HERC6: variants seen among roughly 807,000 people sequenced by gnomAD.
HERC6 encodes HECT and RLD domain containing E3 ubiquitin protein ligase family member 6.
In HERC6, 101 loss-of-function variants were observed where a neutral mutation model predicts 114.5. That is an observed-to-expected ratio of 0.88 (90% CI 0.75 to 1.04). HERC6 has a LOEUF of 1.04. Ranked by LOEUF, HERC6 falls within the 50% of genes least tolerant of loss-of-function variation. The pLI, the probability that HERC6 is intolerant of heterozygous loss-of-function variation, is 0.00. For synonymous variants in HERC6, 408 were observed against 436.2 expected (o/e 0.94, Z 0.81); for missense variants, 1,133 against 1,230.9 (o/e 0.92, Z 1.19).
At chr4:88,441,509 CTT>C (rs1202287928) in intron 22 of HERC6, among the ~76,000 whole-genome samples, 1 of 152,116 alleles carries the variant, frequency 6.6e-6, no homozygotes, top group African/African-American at 2.4e-5. Context: ...AGCCCAGGCT[CTT>C]GAGCACTAAG....
At chr4:88,414,471 C>G (rs1736313964) in intron 12 of HERC6, among the ~76,000 whole-genome samples, 1 of 152,064 alleles carries the variant, frequency 6.6e-6, no homozygotes, top group Non-Finnish European at 1.5e-5. Flanking sequence ...AGATCTCACA[C>G]AAGAAATAAT....
chr4:88,410,577 G>A (rs1399449737), intron 11 of HERC6, among the ~76,000 whole-genome samples: 1 of 152,072 alleles, frequency 6.6e-6, no homozygotes, highest in Non-Finnish European at 1.5e-5. Context: ...CCAATCTTGT[G>A]ACCTAATTAC....
chr4:88,417,480 T>C lies in HERC6; in HGVS notation c.1614T>C (p.Leu538=). 6.2e-7 allele frequency: 1 copy of C among 1,611,684 alleles called. No individual in the cohort carries two copies. Among genetic ancestry groups the C allele is most frequent in the Non-Finnish European group, 8.5e-7 (1 of 1,178,878 alleles). ...ESSLNPLIQM[L]KAAIISQLLH... ...CTCTGAATCCGCTGATCCAGATGCT[T>C]AAAGCAGCCATCATCTCTCAGCTGC... Residue 538 remains leucine (L), a synonymous_variant, in exon 13 of 23, where the codon CTT becomes CTC. Transcript: ENST00000264346.
chr4:88,440,334 G>A, intron 22 of HERC6, 84 bp downstream of exon 22: 1 of 804,036 alleles, frequency 1.2e-6, no homozygotes, highest in Non-Finnish European at 2.0e-6. Context: ...CCATTGAAGT[G>A]GCCTCATTGT....
intron 3 of HERC6, among the ~76,000 whole-genome samples, chr4:88,387,597 G>A (rs1734653056): frequency 1.3e-5 from 2 of 152,062 alleles, no homozygotes; most frequent in African/African-American, 4.8e-5. Flanking sequence ...ACAAATCCAG[G>A]GCATATCCCG....
At chr4:88,418,969 C>T (rs969338412) in intron 13 of HERC6, among the ~76,000 whole-genome samples, 11 of 152,134 alleles carry the variant, frequency 7.2e-5, no homozygotes, top group African/African-American at 1.7e-4. Context: ...TCAAGTGATC[C>T]GCCTGCCTCG....
rs764549879 is a variant in HERC6 at position 88,396,991 on chromosome 4, T to C, written c.1024+4T>C. On this transcript the variant is annotated splice_donor_region_variant and intron_variant, in intron 7 of 22. Transcript: ENST00000264346. ...AGCTGCCTGATTTCTGCTGAAGGTG[T>C]GAATCCCACTAATTCATGATTTTGT... The C allele has an allele frequency of 5.6e-6, 9 of 1,608,126 alleles. No homozygotes were observed. In the East Asian group the frequency reaches 1.8e-4, roughly 32 times the overall value.
rs772312980 is a variant in HERC6, at chr4:88,390,711, T to C, written c.496T>C (p.Phe166Leu). Residue 166 changes from phenylalanine (F) to leucine (L), a missense_variant, in exon 4 of 23, where the codon TTC becomes CTC. Coordinates refer to ENST00000264346, the MANE Select transcript of HERC6 (RefSeq NM_017912.4). ...SHGQLGLGKEFPSQASPQRVR... is the reference protein window; with the variant it reads ...SHGQLGLGKELPSQASPQRVR... ...TGGGCAGCTGGGCTTGGGGAAGGAG[T>C]TCCCCTCCCAAGCCAGCCCGCAGAG... 3 of 1,613,502 alleles carry C rather than the reference T, an allele frequency of 1.9e-6. No homozygotes were observed. Among genetic ancestry groups the C allele is most frequent in the Non-Finnish European group, 2.5e-6 (3 of 1,179,734 alleles).
rs749375812 is a variant in HERC6, at chr4:88,396,937, C to T, written c.974C>T (p.Pro325Leu). ...AGTGACACAAGCAAGCCAACTCATC[C>T]GGAGGCCCTGACAGAGAACTTTGAC... ...GPSDTSKPTH[P>L]EALTENFDIS... Residue 325 changes from proline (P) to leucine (L), a missense_variant, in exon 7 of 23, where the codon CCG (proline) becomes CTG (leucine). By Grantham distance (98) the Pro-to-Leu change is moderately conservative. Coordinates refer to ENST00000264346, the MANE Select transcript of HERC6 (RefSeq NM_017912.4). 3.0e-5 allele frequency: 48 copies of T among 1,612,336 alleles called. 1 individual carries two copies. The highest frequency in any genetic ancestry group is 2.6e-4 in the South Asian group (24 of 90,974).
At position 88,380,794 on chromosome 4, in the gene HERC6, C is replaced by T. The variant is rs59918117; in HGVS notation, c.199+1674C>T. On this transcript the variant is annotated intron_variant, in intron 1 of 22. Coordinates refer to ENST00000264346, the MANE Select transcript of HERC6 (RefSeq NM_017912.4). The stretch of plus-strand genomic sequence containing the variant: ...ATCGTTATGGATTATTGTAGAAATA[C>T]GAGAAAGCAATCACCGTAGCTCCAA... Among the ~76,000 whole-genome samples, 941 of 151,614 alleles carry T rather than the reference C, an allele frequency of 6.2e-3. 11 individuals are homozygous for T. The highest frequency in any genetic ancestry group is 0.02 in the African/African-American group (845 of 41,372).
chr4:88,403,175 T>C (rs922795141), intron 8 of HERC6, among the ~76,000 whole-genome samples: 2 of 152,216 alleles, frequency 1.3e-5, no homozygotes, highest in East Asian at 3.8e-4. Flanking sequence ...GTTCTCAAAG[T>C]GTGATCTCCA....
At chr4:88,416,398 T>G (rs934733171) in intron 12 of HERC6, among the ~76,000 whole-genome samples, 10 of 152,206 alleles carry the variant, frequency 6.6e-5, no homozygotes, top group African/African-American at 9.6e-5. Context: ...TGAAGGCAAT[T>G]AATCCTTTAT....
chr4:88,408,220 G>A (rs1011792674), intron 10 of HERC6, among the ~76,000 whole-genome samples: 9 of 152,114 alleles, frequency 5.9e-5, no homozygotes, highest in African/African-American at 2.2e-4. Context: ...TTCTTAGTGT[G>A]CAAACTGAGT....
In HERC6 at chr4:88,431,288, A is replaced by C. The variant is rs150287504; in HGVS notation, c.2233A>C (p.Met745Leu). 6.3e-3 allele frequency: 10,098 copies of C among 1,594,716 alleles called. 44 individuals are homozygous for C. Among genetic ancestry groups the C allele is most frequent in the Non-Finnish European group, 7.2e-3 (8,470 of 1,174,320 alleles). ...CATGTATCCTGAAATGGGTTCCTGCATGTGGTTTCCTGCCAAGGTAAGTCT... is the reference window on the plus strand; with the variant it reads ...CATGTATCCTGAAATGGGTTCCTGCCTGTGGTTTCCTGCCAAGGTAAGTCT... ...MFMYPEMGSC[M>L]WFPAKPKPEK... Residue 745 changes from methionine (M) to leucine (L), a missense_variant, in exon 17 of 23, where the codon ATG (methionine) becomes CTG (leucine). By Grantham distance (15) the Met-to-Leu change is conservative. Around this residue, in one of 3 missense-constraint regions of HERC6, gnomAD observed 388 missense variants for 445.9 expected, o/e 0.87. Coordinates refer to ENST00000264346, the MANE Select transcript of HERC6 (RefSeq NM_017912.4).
At chr4:88,394,282 G>A (rs1257845501) in intron 5 of HERC6, among the ~76,000 whole-genome samples, 3 of 151,914 alleles carry the variant, frequency 2.0e-5, no homozygotes, top group African/African-American at 7.2e-5. Flanking sequence ...AGACCAGCCT[G>A]GCCAACATAG....
intron 4 of HERC6, among the ~76,000 whole-genome samples, chr4:88,391,892 A>G (rs1400640734): frequency 1.3e-5 from 2 of 151,692 alleles, no homozygotes; most frequent in Admixed American, 6.6e-5. Context: ...TCATTTCACC[A>G]TTTCAGCATT....
In HERC6 at chr4:88,429,156, G is replaced by T. The variant is rs545688682; in HGVS notation, c.2106+406G>T. Among the ~76,000 whole-genome samples the T allele has an allele frequency of 1.6e-3, 250 of 152,308 alleles. 1 individual carries two copies. The highest frequency in any genetic ancestry group is 6.8e-3 in the Middle Eastern group (2 of 294). ...ACTGGCTGACCTAGGCCTGGCTGGAGCAATTTAGCTCTGCTTCCTATGTCT... is the reference window on the plus strand; with the variant it reads ...ACTGGCTGACCTAGGCCTGGCTGGATCAATTTAGCTCTGCTTCCTATGTCT... On this transcript the variant is annotated intron_variant, in intron 16 of 22. Coordinates refer to ENST00000264346, the MANE Select transcript of HERC6 (RefSeq NM_017912.4).
At chr4:88,404,695 A>C (rs181450666) in intron 8 of HERC6, among the ~76,000 whole-genome samples, 181 bp from the exon 9 acceptor site, 1 of 152,084 alleles carries the variant, frequency 6.6e-6, no homozygotes, top group East Asian at 1.9e-4. Context: ...CAGACCAAGC[A>C]AAGTGGCCCA....
At chr4:88,388,810 C>T (rs571159540) in intron 3 of HERC6, among the ~76,000 whole-genome samples, 6 of 152,088 alleles carry the variant, frequency 3.9e-5, no homozygotes, top group African/African-American at 1.2e-4. Context: ...AGATCAGACA[C>T]GGGAGGGCCT....
Sources: gnomAD v4.1 joint callset for allele counts (sites outside exome capture counted in the v4.1 genomes callset) on GRCh38, gnomAD v4.1.1 for gene constraint, gnomAD v4.1.1 regional missense constraint, MANE v1.5 for transcripts, NCBI Gene and HGNC (gene_info 2026-07-23, HGNC 2026-07-21) for gene names.